SUSD5: variants seen among roughly 807,000 people sequenced by gnomAD.
SUSD5 encodes the protein sushi domain-containing protein 5.
Under a neutral mutation model 29.5 loss-of-function variants are expected in SUSD5, and 33 were observed. The ratio of observed to expected loss-of-function variants is 1.12; its 90% confidence interval spans 0.85 to 1.49. SUSD5 has a LOEUF of 1.49. Among genes scored for constraint, SUSD5 ranks in the 40% most tolerant of loss-of-function variants. The pLI is 0.00. For missense variants in SUSD5, 776 were observed against 800.6 expected (o/e 0.97, Z 0.37); for synonymous variants, 308 against 325.3 (o/e 0.95, Z 0.57).
chr3:33,168,183 G>A (rs936826467), intron 4 of SUSD5, among the ~76,000 whole-genome samples: 4 of 152,112 alleles, frequency 2.6e-5, no homozygotes. Context: ...GTTCTCCCAG[G>A]GCTGCTACTT....
chr3:33,160,322 T>A (rs979052016), intron 4 of SUSD5, among the ~76,000 whole-genome samples: 1 of 150,944 alleles, frequency 6.6e-6, no homozygotes, highest in Non-Finnish European at 1.5e-5. Context: ...AAGTAAAATA[T>A]CTGAGGCAGG....
At chr3:33,185,310 C>T (rs1408423156) in intron 3 of SUSD5, among the ~76,000 whole-genome samples, 3 of 152,328 alleles carry the variant, frequency 2.0e-5, no homozygotes, top group Non-Finnish European at 4.4e-5. Context: ...TTTTTCCTCT[C>T]TGTTTGCTGG....
At chr3:33,193,069 A>G (rs1235673598) in intron 3 of SUSD5, among the ~76,000 whole-genome samples, 1 of 152,140 alleles carries the variant, frequency 6.6e-6, no homozygotes, top group Admixed American at 6.5e-5. Context: ...AATAATAGCA[A>G]TAAGTTGATA....
At chr3:33,154,605 A>G (rs774958743) in intron 4 of SUSD5, among the ~76,000 whole-genome samples, 17 of 152,212 alleles carry the variant, frequency 1.1e-4, no homozygotes, top group Non-Finnish European at 1.9e-4. Context: ...TACAGTAAAT[A>G]TAAACATCAA....
intron 3 of SUSD5, among the ~76,000 whole-genome samples, chr3:33,199,064 A>G (rs1026542487): frequency 6.6e-6 from 1 of 152,212 alleles, no homozygotes; most frequent in Non-Finnish European, 1.5e-5. Flanking sequence ...TTAAAGCTAC[A>G]TAAGAAATGC....
At chr3:33,154,147 A>G (rs2030994522) in intron 4 of SUSD5, 114 bp from the exon 5 acceptor site, 2 of 833,112 alleles carry the variant, frequency 2.4e-6, no homozygotes, top group South Asian at 3.9e-5. Flanking sequence ...TAATACTGTT[A>G]TTATTCACAG....
At chr3:33,158,174 A>G (rs899239952) in intron 4 of SUSD5, among the ~76,000 whole-genome samples, 1 of 152,274 alleles carries the variant, frequency 6.6e-6, no homozygotes, top group Non-Finnish European at 1.5e-5. Flanking sequence ...CACTGGGATC[A>G]GTTTCCAGGA....
intron 3 of SUSD5, among the ~76,000 whole-genome samples, chr3:33,190,848 A>G (rs563929096): frequency 2.9e-4 from 44 of 152,146 alleles, no homozygotes; most frequent in Non-Finnish European, 5.9e-4. Flanking sequence ...GAGGACCTAG[A>G]CAGACTTTGT....
At chr3:33,203,044 T>C (rs2032149949) in intron 3 of SUSD5, among the ~76,000 whole-genome samples, 2 of 152,156 alleles carry the variant, frequency 1.3e-5, no homozygotes, top group Admixed American at 6.5e-5. Flanking sequence ...GAAGCATCTG[T>C]TGAGCTGGAC....
Position 33,213,978 on chromosome 3 carries a change from A to T in SUSD5, c.240T>A (p.Asp80Glu). 1 of 1,613,660 alleles carries T rather than the reference A, an allele frequency of 6.2e-7. No homozygotes were observed. ...SADELRRVVQ[D>E]CSFAVCTTGW... is the part of the protein sequence containing the mutation. ...CAGTGGTGCACACCGCAAAGGAGCAATCCTGTACCACTCTCCGCAGCTCGT... is the reference window on the plus strand; with the variant it reads ...CAGTGGTGCACACCGCAAAGGAGCATTCCTGTACCACTCTCCGCAGCTCGT... The change falls in exon 2 of 5, where the codon GAT becomes GAA. Residue 80 changes from aspartate to glutamate, a missense_variant. Transcript: ENST00000309558.
chr3:33,166,665 T>C (rs1251240592), intron 4 of SUSD5, among the ~76,000 whole-genome samples: 2 of 152,162 alleles, frequency 1.3e-5, no homozygotes, highest in Non-Finnish European at 2.9e-5. Flanking sequence ...TGGCATATAG[T>C]AGGCACTCCA....
At chr3:33,214,525 C>T (rs952106548) in intron 1 of SUSD5, among the ~76,000 whole-genome samples, 2 of 152,156 alleles carry the variant, frequency 1.3e-5, no homozygotes, top group South Asian at 4.1e-4. Context: ...TAGGATGACC[C>T]CCTATACAAC....
intron 3 of SUSD5, among the ~76,000 whole-genome samples, chr3:33,178,727 C>A (rs191473480): frequency 6.6e-6 from 1 of 152,116 alleles, no homozygotes; most frequent in African/African-American, 2.4e-5. Context: ...CGTGAGCCAC[C>A]GCGCCTGGCC....
intron 4 of SUSD5, among the ~76,000 whole-genome samples, chr3:33,172,317 G>C (rs1373512643): frequency 2.6e-5 from 4 of 152,024 alleles, no homozygotes; most frequent in Admixed American, 1.3e-4. Flanking sequence ...CAGAATTCCT[G>C]CCCAGCAGCT....
intron 3 of SUSD5, among the ~76,000 whole-genome samples, chr3:33,183,320 T>C (rs1290921484): frequency 2.6e-5 from 4 of 152,218 alleles, no homozygotes; most frequent in African/African-American, 9.6e-5. Flanking sequence ...TTGTCTTCTA[T>C]GTTTTTTAAG....
Position 33,153,533 on chromosome 3 carries a change from C to T in SUSD5, c.1099G>A (p.Asp367Asn). 1 of 1,614,054 alleles carries T rather than the reference C, an allele frequency of 6.2e-7. No individual in the cohort carries two copies. Residue 367 changes from aspartate to asparagine, a missense_variant, in exon 5 of 5, where the codon GAT becomes AAT. Physicochemically the swap from Asp to Asn is conservative, Grantham distance 23. Coordinates refer to ENST00000309558, the MANE Select transcript of SUSD5 (RefSeq NM_015551.2). The stretch of plus-strand genomic sequence containing the variant: ...GGGTAGCCATCTAACCAGGACTCAT[C>T]ACTGCTGCTCACCACTGGATCTCCT... ...KAGDPVVSSS[D>N]ESWLDGYPVT... is the part of the protein sequence containing the mutation.
intron 3 of SUSD5, among the ~76,000 whole-genome samples, chr3:33,178,822 C>G (rs962054865): frequency 1.3e-5 from 2 of 152,164 alleles, no homozygotes; most frequent in African/African-American, 4.8e-5. Context: ...AGAAAGTATT[C>G]CTTCTGCTAA....
intron 1 of SUSD5, 47 bp downstream of exon 1, chr3:33,218,639 C>G (rs2032468036): frequency 1.6e-6 from 2 of 1,255,584 alleles, no homozygotes; most frequent in Non-Finnish European, 2.0e-6. Context: ...CCTCCCTGCC[C>G]GGACCCCACG....
intron 3 of SUSD5, among the ~76,000 whole-genome samples, chr3:33,181,900 A>C (rs2031680064): frequency 6.6e-6 from 1 of 152,220 alleles, no homozygotes; most frequent in African/African-American, 2.4e-5. Flanking sequence ...ACACAATGAC[A>C]AAATCATCTA....
Sources: gnomAD v4.1 joint callset for allele counts (sites outside exome capture counted in the v4.1 genomes callset) on GRCh38, gnomAD v4.1.1 for gene constraint, MANE v1.5 for transcripts, NCBI Gene and HGNC (gene_info 2026-07-23, HGNC 2026-07-21) for gene names.